The following CHST9 variants were observed in gnomAD, a reference collection of about 807,000 sequenced individuals.
The protein encoded by CHST9 is GalNAc-4-sulfotransferase 2.
In CHST9, 41 loss-of-function variants were observed where a neutral mutation model predicts 44.4. The observed-to-expected ratio is 0.92, with a 90% CI of 0.72 to 1.20. CHST9 has a LOEUF of 1.20. Among genes scored for constraint, CHST9 ranks in the 50% most tolerant of loss-of-function variants. CHST9 has a pLI of 0.00. For missense variants in CHST9, 504 were observed against 516.5 expected, an observed-to-expected ratio of 0.98 and a Z score of 0.23; for synonymous variants, 171 against 178.4, an observed-to-expected ratio of 0.96 and a Z score of 0.33.
Position 27,024,445 on chromosome 18 carries a change from G to T in CHST9, c.161-288C>A, listed in dbSNP as rs1016682668. Among the ~76,000 whole-genome samples, 8 of 152,198 alleles carry T rather than the reference G, an allele frequency of 5.3e-5. No homozygotes were observed. In the South Asian group the frequency reaches 6.2e-4, roughly 12 times the overall value. The stretch of plus-strand genomic sequence containing the variant: ...GGCAGGGAAATGGAGCCAGGGACTG[G>T]GGGGTGGGTAGCATTGGAAAATGAC... On this transcript the variant is annotated intron_variant, in intron 3 of 5. Transcript: ENST00000618847.
rs539604961 is a variant in CHST9 at position 27,096,512 on chromosome 18, A to C, written c.121+46177T>G. Among the ~76,000 whole-genome samples the C allele has an allele frequency of 2.8e-4, 42 of 152,194 alleles. No individual in the cohort carries two copies. The South Asian group carries it at 8.5e-3, about 31-fold the overall frequency. On this transcript the variant is annotated intron_variant, in intron 2 of 5. Transcript: ENST00000618847. ...CCAAAAGTTGGTTCTCTGAAAGGAT[A>C]AGCAAGATTGGTAGATTGCTAGCTA... is the stretch of plus-strand genomic sequence containing the variant.
intron 2 of CHST9, among the ~76,000 whole-genome samples, chr18:27,139,519 A>G (rs2058547284): frequency 6.6e-6 from 1 of 151,910 alleles, no homozygotes; most frequent in South Asian, 2.1e-4. Flanking sequence ...ATATATAAAA[A>G]ATAAATGTCT....
At chr18:26,994,472 T>C (rs2056861574) in intron 4 of CHST9, among the ~76,000 whole-genome samples, 1 of 152,098 alleles carries the variant, frequency 6.6e-6, no homozygotes, top group Non-Finnish European at 1.5e-5. Context: ...TTTTCTCTTT[T>C]GATTTCTGAT....
intron 2 of CHST9, among the ~76,000 whole-genome samples, chr18:27,130,644 A>C (rs923272625): frequency 1.3e-5 from 2 of 152,248 alleles, no homozygotes; most frequent in African/African-American, 4.8e-5. Flanking sequence ...GAGATTATAC[A>C]ATGATATTCT....
intron 5 of CHST9, among the ~76,000 whole-genome samples, chr18:26,926,057 C>G (rs2055762082): frequency 6.6e-6 from 1 of 152,004 alleles, no homozygotes; most frequent in African/African-American, 2.4e-5. Flanking sequence ...AGAAAGAAAA[C>G]AGAAGAAAAG....
chr18:27,092,258 T>C lies in CHST9; in HGVS notation c.122-43755A>G, dbSNP rs147268625. On this transcript the variant is annotated intron_variant, in intron 2 of 5. Coordinates refer to ENST00000618847, the MANE Select transcript of CHST9 (RefSeq NM_031422.6). Reference sequence around the variant, plus strand: ...AGGTGTTTATAGTATTATCTGATGGTAGTTTGTATTTCTGTGGGATTGGTG... The same window carrying C: ...AGGTGTTTATAGTATTATCTGATGGCAGTTTGTATTTCTGTGGGATTGGTG... 4.5e-3 allele frequency among the ~76,000 whole-genome samples: 684 copies of C among 152,318 alleles called. 3 individuals are homozygous for C. The highest frequency in any genetic ancestry group is 6.8e-3 in the Middle Eastern group (2 of 294).
intron 2 of CHST9, among the ~76,000 whole-genome samples, chr18:27,104,891 C>A (rs1412782638): frequency 6.6e-6 from 1 of 151,992 alleles, no homozygotes; most frequent in Non-Finnish European, 1.5e-5. Flanking sequence ...AAGCAGGATG[C>A]CTCTTTAGTG....
At chr18:27,012,139 A>T (rs1275505848) in intron 4 of CHST9, among the ~76,000 whole-genome samples, 1 of 152,062 alleles carries the variant, frequency 6.6e-6, no homozygotes, top group Non-Finnish European at 1.5e-5. Flanking sequence ...GTACATTCCT[A>T]TTTGTTAATT....
intron 4 of CHST9, among the ~76,000 whole-genome samples, chr18:26,990,109 T>C (rs2056799062): frequency 6.6e-6 from 1 of 152,194 alleles, no homozygotes; most frequent in African/African-American, 2.4e-5. Context: ...TTGATGATTC[T>C]CATGATAACT....
intron 2 of CHST9, among the ~76,000 whole-genome samples, chr18:27,066,258 C>T (rs1163888758): frequency 7.9e-5 from 12 of 152,046 alleles, no homozygotes; most frequent in Non-Finnish European, 1.5e-4. Flanking sequence ...GCATTTGGAC[C>T]CTCTCTCTTC....
chr18:26,964,491 T>A (rs371723107), intron 4 of CHST9, among the ~76,000 whole-genome samples: 1 of 152,232 alleles, frequency 6.6e-6, no homozygotes, highest in Non-Finnish European at 1.5e-5. Flanking sequence ...GAAAATCAGA[T>A]CTAGGCCCAG....
intron 3 of CHST9, among the ~76,000 whole-genome samples, chr18:27,032,174 A>G (rs951750879): frequency 6.6e-6 from 1 of 152,088 alleles, no homozygotes; most frequent in African/African-American, 2.4e-5. Context: ...AGCATTTGCA[A>G]GCTCCTTAAG....
At chr18:26,987,999 A>G (rs780764207) in intron 4 of CHST9, among the ~76,000 whole-genome samples, 1 of 152,200 alleles carries the variant, frequency 6.6e-6, no homozygotes, top group African/African-American at 2.4e-5. Flanking sequence ...ATGGACTAAA[A>G]TAAAATAACT....
chr18:27,181,349 A>T (rs1598785360), intron 1 of CHST9, among the ~76,000 whole-genome samples: 1 of 152,204 alleles, frequency 6.6e-6, no homozygotes, highest in Non-Finnish European at 1.5e-5. Flanking sequence ...AACACAATAG[A>T]AATCTGTTAA....
At chr18:27,016,484 T>A (rs1295875716) in intron 4 of CHST9, among the ~76,000 whole-genome samples, 1 of 152,224 alleles carries the variant, frequency 6.6e-6, no homozygotes, top group Non-Finnish European at 1.5e-5. Flanking sequence ...AGCACTCTGT[T>A]GCTTCCCTGC....
intron 2 of CHST9, among the ~76,000 whole-genome samples, chr18:27,122,596 T>C (rs1268627207): frequency 6.6e-6 from 1 of 152,178 alleles, no homozygotes; most frequent in African/African-American, 2.4e-5. Context: ...CATGTAATTA[T>C]CCATTCAACT....
chr18:26,978,629 A>C (rs2056654317), intron 4 of CHST9, among the ~76,000 whole-genome samples: 1 of 152,222 alleles, frequency 6.6e-6, no homozygotes, highest in African/African-American at 2.4e-5. Context: ...AAAACATCTG[A>C]CTTCCAGTGT....
intron 4 of CHST9, among the ~76,000 whole-genome samples, chr18:26,984,986 A>T (rs150796792): frequency 6.6e-6 from 1 of 152,274 alleles, no homozygotes; most frequent in African/African-American, 2.4e-5. Context: ...ATCACCCAGA[A>T]ATTCCACTTC....
At chr18:26,921,755 T>G (rs911551037) in intron 5 of CHST9, among the ~76,000 whole-genome samples, 7 of 152,214 alleles carry the variant, frequency 4.6e-5, no homozygotes, top group Admixed American at 1.3e-4. Context: ...GGACACTTTA[T>G]TCTGATTGTC....
Sources: allele counts gnomAD v4.1 joint callset (sites outside exome capture counted in the v4.1 genomes callset), GRCh38; gene constraint gnomAD v4.1.1; transcripts MANE v1.5; gene names NCBI Gene and HGNC (gene_info 2026-07-23, HGNC 2026-07-21).